The following KLHL32 variants were observed in gnomAD, a reference collection of about 807,000 sequenced individuals.
KLHL32 encodes kelch-like protein 32.
Under a neutral mutation model 64.8 loss-of-function variants are expected in KLHL32, and 35 were observed. That is an observed-to-expected ratio of 0.54 (90% confidence interval 0.41 to 0.72). The LOEUF is 0.72. Ranked by LOEUF, KLHL32 falls within the 30% of genes least tolerant of loss-of-function variation. The pLI is 0.00. For missense variants in KLHL32, 589 were observed against 768.5 expected, an observed-to-expected ratio of 0.77 and a Z score of 2.76; for synonymous variants, 259 against 281.0, an observed-to-expected ratio of 0.92 and a Z score of 0.78.
At chr6:97,121,071 A>G (rs1234697014) in intron 7 of KLHL32, among the ~76,000 whole-genome samples, 5 of 152,248 alleles carry the variant, frequency 3.3e-5, no homozygotes, top group Admixed American at 6.5e-5. Flanking sequence ...CAAAGCTTTC[A>G]TCCTAAACTG....
At chr6:97,001,777 T>A (rs1287183598) in intron 3 of KLHL32, among the ~76,000 whole-genome samples, 2 of 152,246 alleles carry the variant, frequency 1.3e-5, no homozygotes, top group East Asian at 3.8e-4. Context: ...TGAGTGATTC[T>A]AAGATAATGA....
At chr6:97,061,281 G>A (rs934221002) in intron 4 of KLHL32, among the ~76,000 whole-genome samples, 2 of 152,140 alleles carry the variant, frequency 1.3e-5, no homozygotes, top group Admixed American at 6.5e-5. Context: ...CGTCACTGGG[G>A]GTAGAGGCAA....
chr6:96,928,467 G>A (rs1307253401), intron 1 of KLHL32, among the ~76,000 whole-genome samples: 1 of 152,156 alleles, frequency 6.6e-6, no homozygotes, highest in African/African-American at 2.4e-5. Context: ...GATGGAGGAA[G>A]ACAAATTTGG....
intron 6 of KLHL32, among the ~76,000 whole-genome samples, chr6:97,097,633 C>CT (rs11361496): frequency 1.0e-4 from 15 of 150,538 alleles, no homozygotes; most frequent in South Asian, 2.1e-4. Context: ...CTTTCTCTGC[C>CT]TTTTTTTTTT....
intron 5 of KLHL32, among the ~76,000 whole-genome samples, chr6:97,066,520 G>C (rs894311488): frequency 6.6e-6 from 1 of 152,124 alleles, no homozygotes; most frequent in Non-Finnish European, 1.5e-5. Flanking sequence ...TATTATTCAG[G>C]CTTCTTGAAT....
At chr6:96,917,718 C>A in the KLHL32 span, among the ~76,000 whole-genome samples, 1 of 151,998 alleles carries the variant, frequency 6.6e-6, no homozygotes, top group African/African-American at 2.4e-5. Context: ...GGGATCAATT[C>A]CTGTGACGGG....
At chr6:96,995,801 A>G (rs1778352218) in intron 3 of KLHL32, among the ~76,000 whole-genome samples, 1 of 152,156 alleles carries the variant, frequency 6.6e-6, no homozygotes, top group African/African-American at 2.4e-5. Context: ...CGTTAAGTTC[A>G]TATGTAAGGT....
At chr6:97,100,932 A>G (rs1001883366) in intron 6 of KLHL32, among the ~76,000 whole-genome samples, 1 of 136,652 alleles carries the variant, frequency 7.3e-6, no homozygotes, top group Admixed American at 7.6e-5. Flanking sequence ...ACTCCCAAGT[A>G]GCTGGACCAC....
intron 6 of KLHL32, among the ~76,000 whole-genome samples, chr6:97,101,891 A>G (rs1795770656): frequency 6.6e-6 from 1 of 152,234 alleles, no homozygotes; most frequent in Non-Finnish European, 1.5e-5. Flanking sequence ...AATGGTCTGC[A>G]TGTGATGGCT....
Position 97,025,292 on chromosome 6 carries a change from T to A in KLHL32, c.205-16200T>A, listed in dbSNP as rs1782563445. The stretch of plus-strand genomic sequence containing the variant: ...GGTTGCTTTTCATTAGCCCATCTGA[T>A]GTTGACTGCATTCTGGGCTTGCATG... On this transcript the variant is annotated intron_variant, in intron 3 of 10. Transcript: ENST00000369261. Among the ~76,000 whole-genome samples, 3 of 152,246 alleles carry A rather than the reference T, an allele frequency of 2.0e-5. No individual in the cohort carries two copies. In the South Asian group the frequency reaches 6.2e-4, roughly 31 times the overall value.
At chr6:97,111,034 G>GC (rs919808215) in intron 6 of KLHL32, among the ~76,000 whole-genome samples, 3 of 148,494 alleles carry the variant, frequency 2.0e-5, no homozygotes, top group South Asian at 2.1e-4. Context: ...AAGTCTTGGG[G>GC]GGGGGGGGTC....
At chr6:97,103,539 C>T (rs1286983719) in intron 6 of KLHL32, among the ~76,000 whole-genome samples, 1 of 152,168 alleles carries the variant, frequency 6.6e-6, no homozygotes, top group African/African-American at 2.4e-5. Context: ...ACCAATATTA[C>T]CTTGAAGCAG....
intron 4 of KLHL32, among the ~76,000 whole-genome samples, chr6:97,051,002 T>TCAAA (rs570352044): frequency 8.5e-5 from 13 of 152,146 alleles, no homozygotes; most frequent in Non-Finnish European, 1.3e-4. Flanking sequence ...AAACTCCATC[T>TCAAA]CAAACAAACA....
intron 1 of KLHL32, among the ~76,000 whole-genome samples, chr6:96,930,120 A>G (rs1769669001): frequency 6.6e-6 from 1 of 152,182 alleles, no homozygotes; most frequent in South Asian, 2.1e-4. Context: ...TATTGATGGA[A>G]AAAGAAGTCC....
intron 2 of KLHL32, among the ~76,000 whole-genome samples, chr6:96,973,956 A>G (rs984593830): frequency 5.3e-5 from 8 of 151,920 alleles, no homozygotes; most frequent in Non-Finnish European, 7.4e-5. Context: ...TCCTGACCTC[A>G]AGTGATCCAC....
rs80093337 is a variant in KLHL32, at chr6:97,116,303, T to C, written c.1354+1794T>C. 9.6e-3 allele frequency among the ~76,000 whole-genome samples: 1,468 copies of C among 152,304 alleles called. 22 individuals are homozygous for C. Among genetic ancestry groups the C allele is most frequent in the African/African-American group, 0.032 (1,340 of 41,566 alleles). ...CTGTTCCTTTTTCTTTAAATGTATA[T>C]TTCAACAGTTAATAACCACCAAGAC... On this transcript the variant is annotated intron_variant, in intron 7 of 10. Coordinates refer to ENST00000369261, the MANE Select transcript of KLHL32 (RefSeq NM_052904.4).
In KLHL32 at chr6:97,105,505, A is replaced by G. The variant is rs75152480; in HGVS notation, c.628-8278A>G. Reference sequence around the variant, plus strand: ...GAGACTGGTGCCCTGGCTTACCTCAATGGGATGACAAGACTGGTAAGGATA... The same window carrying G: ...GAGACTGGTGCCCTGGCTTACCTCAGTGGGATGACAAGACTGGTAAGGATA... On this transcript the variant is annotated intron_variant, in intron 6 of 10. Transcript: ENST00000369261. 425 of 471,044 alleles carry G rather than the reference A, an allele frequency of 9.0e-4. 3 individuals carry two copies. The highest frequency in any genetic ancestry group is 7.9e-3 in the African/African-American group (395 of 50,178). The allele number at this position is 471,044 out of a possible 1,614,324, so 29.2% of individuals were successfully genotyped here. A position where few individuals can be genotyped will look rare whatever the true frequency, so the allele number is the denominator to read the frequency against.
chr6:97,110,592 G>A (rs1272021967), intron 6 of KLHL32, among the ~76,000 whole-genome samples: 1 of 152,220 alleles, frequency 6.6e-6, no homozygotes, highest in Non-Finnish European at 1.5e-5. Context: ...CCAAGGAGCA[G>A]TGGTCTGAGA....
intron 3 of KLHL32, among the ~76,000 whole-genome samples, chr6:96,990,768 G>C (rs1777765371): frequency 6.6e-6 from 1 of 151,994 alleles, no homozygotes; most frequent in African/African-American, 2.4e-5. Context: ...TGGGGGCGGG[G>C]CTTGCTTGGT....
Sources: gnomAD v4.1 joint callset for allele counts (sites outside exome capture counted in the v4.1 genomes callset) on GRCh38, gnomAD v4.1.1 for gene constraint, MANE v1.5 for transcripts, NCBI Gene and HGNC (gene_info 2026-07-23, HGNC 2026-07-21) for gene names.